Variants in TBC1D22A observed in about 807,000 individuals in gnomAD.
The protein encoded by TBC1D22A is TBC1 domain family member 22A.
TBC1D22A carries 38 observed loss-of-function variants against 60.2 expected under a neutral mutation model. The observed-to-expected ratio is 0.63, with a 90% CI of 0.49 to 0.83. The LOEUF is 0.83. TBC1D22A is among the 40% of genes least tolerant of loss of function. The pLI, the probability that TBC1D22A is intolerant of heterozygous loss-of-function variation, is 0.00. For synonymous variants in TBC1D22A, 302 were observed against 281.7 expected, an observed-to-expected ratio of 1.07 and a Z score of -0.72; for missense variants, 628 against 701.0, an observed-to-expected ratio of 0.90 and a Z score of 1.18.
intron 4 of TBC1D22A, among the ~76,000 whole-genome samples, chr22:46,828,682 C>A (rs1424947255): frequency 2.6e-5 from 4 of 152,192 alleles, no homozygotes; most frequent in Admixed American, 2.6e-4. Flanking sequence ...GACTCCTCAG[C>A]CTGGGACAGG....
intron 11 of TBC1D22A, among the ~76,000 whole-genome samples, chr22:47,109,798 A>G (rs941461820): frequency 1.3e-5 from 2 of 151,278 alleles, no homozygotes; most frequent in Non-Finnish European, 1.5e-5. Flanking sequence ...TTTCTGCACA[A>G]CCTTCAAAAT....
At chr22:47,089,895 A>G (rs1249348943) in intron 11 of TBC1D22A, among the ~76,000 whole-genome samples, 3 of 152,142 alleles carry the variant, frequency 2.0e-5, no homozygotes, top group Non-Finnish European at 2.9e-5. Flanking sequence ...TGTTTGCTCA[A>G]GGTTGGTGGT....
intron 4 of TBC1D22A, among the ~76,000 whole-genome samples, chr22:46,829,841 C>A (rs565968503): frequency 2.0e-5 from 3 of 151,998 alleles, no homozygotes; most frequent in Non-Finnish European, 2.9e-5. Context: ...TTCAGTGCCG[C>A]GTGAAACAAT....
At chr22:47,058,123 C>G (rs938177771) in intron 11 of TBC1D22A, among the ~76,000 whole-genome samples, 1 of 152,202 alleles carries the variant, frequency 6.6e-6, no homozygotes, top group Non-Finnish European at 1.5e-5. Flanking sequence ...CCACTGTTGT[C>G]TCAGCAAGCA....
chr22:46,774,924 C>T (rs2083639743), intron 1 of TBC1D22A, among the ~76,000 whole-genome samples: 1 of 152,204 alleles, frequency 6.6e-6, no homozygotes, highest in South Asian at 2.1e-4. Context: ...TGCCGTGCAG[C>T]TTTCTGCACC....
chr22:46,980,755 A>C (rs1251069559), intron 9 of TBC1D22A, among the ~76,000 whole-genome samples: 2 of 152,276 alleles, frequency 1.3e-5, no homozygotes, highest in Non-Finnish European at 2.9e-5. Context: ...ATTTTTCAGC[A>C]TTGATGAGAT....
chr22:46,834,344 A>C (rs1371455778), intron 4 of TBC1D22A, among the ~76,000 whole-genome samples: 1 of 152,190 alleles, frequency 6.6e-6, no homozygotes, highest in Non-Finnish European at 1.5e-5. Context: ...GGAGCACAGG[A>C]GTACAAGTGC....
At chr22:46,966,824 C>T (rs2073826686) in intron 8 of TBC1D22A, among the ~76,000 whole-genome samples, 1 of 152,206 alleles carries the variant, frequency 6.6e-6, no homozygotes. Flanking sequence ...GGCCCCGAGG[C>T]CTCCTGCTTT....
At chr22:46,992,228 G>A (rs1395311649) in intron 9 of TBC1D22A, among the ~76,000 whole-genome samples, 3 of 152,258 alleles carry the variant, frequency 2.0e-5, no homozygotes, top group Admixed American at 6.5e-5. Flanking sequence ...AGAGGAAGCG[G>A]TATAAGCTTC....
In TBC1D22A at chr22:46,831,158, C is replaced by T. The variant is rs192176097; in HGVS notation, c.637+33538C>T. Among the ~76,000 whole-genome samples the T allele has an allele frequency of 2.6e-5, 4 of 152,256 alleles. No individual in the cohort carries two copies. The East Asian group carries it at 7.7e-4, about 29-fold the overall frequency. On this transcript the variant is annotated intron_variant, in intron 4 of 12. Coordinates refer to ENST00000337137, the MANE Select transcript of TBC1D22A (RefSeq NM_014346.5). ...GGTGGACGAAATCACCCAGTGGGCTCTTGTCAGGCAGGAGCAGAGAGCATG... is the reference window on the plus strand; with the variant it reads ...GGTGGACGAAATCACCCAGTGGGCTTTTGTCAGGCAGGAGCAGAGAGCATG...
chr22:46,933,638 G>A (rs5767421), intron 8 of TBC1D22A, among the ~76,000 whole-genome samples: 95,479 of 151,920 alleles, frequency 0.63, 31,426 homozygotes, highest in Middle Eastern at 0.8. Context: ...GGGGGGGTTG[G>A]CCCCCTGTGC....
Position 47,111,366 on chromosome 22 carries a change from C to A in TBC1D22A, c.1330-142C>A, listed in dbSNP as rs2065839242. 6.1e-6 allele frequency: 4 copies of A among 653,066 alleles called. No individual in the cohort carries two copies. In the East Asian group the frequency reaches 1.1e-4, roughly 18 times the overall value. The allele number at this position is 653,066 out of a possible 1,614,324, so 40.5% of individuals were successfully genotyped here. Reference sequence around the variant, plus strand: ...TGGAATGAGGATTTTGAAATTAAGGCATTAAGTAAAAGTGAGTCAACACAA... The same window carrying A: ...TGGAATGAGGATTTTGAAATTAAGGAATTAAGTAAAAGTGAGTCAACACAA... On this transcript the variant is annotated intron_variant, in intron 11 of 12. Transcript: ENST00000337137.
At chr22:47,082,140 A>G (rs2064494088) in intron 11 of TBC1D22A, among the ~76,000 whole-genome samples, 1 of 152,218 alleles carries the variant, frequency 6.6e-6, no homozygotes, top group African/African-American at 2.4e-5. Flanking sequence ...CCTGGGCGAC[A>G]GAGCAAGGCT....
At chr22:46,966,962 T>A (rs528262702) in intron 8 of TBC1D22A, among the ~76,000 whole-genome samples, 1 of 152,280 alleles carries the variant, frequency 6.6e-6, no homozygotes, top group East Asian at 1.9e-4. Flanking sequence ...GGCTGGCAGT[T>A]GATCGCTGGA....
intron 6 of TBC1D22A, among the ~76,000 whole-genome samples, chr22:46,894,032 G>A (rs531046704): frequency 1.5e-4 from 23 of 152,332 alleles, no homozygotes; most frequent in African/African-American, 4.8e-4. Context: ...AGGATGGGGC[G>A]AAATGAAATG....
At chr22:47,167,380 C>T (rs769581369) in intron 12 of TBC1D22A, among the ~76,000 whole-genome samples, 3 of 152,184 alleles carry the variant, frequency 2.0e-5, no homozygotes, top group East Asian at 3.9e-4. Context: ...ATTTTTCTGG[C>T]TTTTTCACTC....
intron 8 of TBC1D22A, chr22:46,915,514 A>C (rs2070297978): frequency 2.2e-6 from 1 of 456,622 alleles, no homozygotes. Flanking sequence ...TGCCAGTGGC[A>C]CTAGCCCGGG....
At chr22:46,994,905 A>C (rs1251232196) in intron 9 of TBC1D22A, among the ~76,000 whole-genome samples, 3 of 152,224 alleles carry the variant, frequency 2.0e-5, no homozygotes, top group Non-Finnish European at 4.4e-5. Context: ...AGATGATGAC[A>C]GTCAAAGGAA....
At chr22:46,890,828 G>A (rs1315184086) in intron 5 of TBC1D22A, among the ~76,000 whole-genome samples, 1 of 152,182 alleles carries the variant, frequency 6.6e-6, no homozygotes, top group Non-Finnish European at 1.5e-5. Context: ...GCGTGTATAT[G>A]TGTGTGTGTG....
Sources: gnomAD v4.1 joint callset for allele counts (sites outside exome capture counted in the v4.1 genomes callset) on GRCh38, gnomAD v4.1.1 for gene constraint, MANE v1.5 for transcripts, NCBI Gene and HGNC (gene_info 2026-07-23, HGNC 2026-07-21) for gene names.